Variants in CDKL2 observed in about 807,000 individuals in gnomAD.
CDKL2 encodes cyclin-dependent kinase-like 2.
Under a neutral mutation model 63.9 loss-of-function variants are expected in CDKL2, and 64 were observed. The observed-to-expected ratio is 1.00, with a 90% CI of 0.82 to 1.23. The LOEUF is 1.23. CDKL2 is among the 50% of genes most tolerant of loss of function. CDKL2 has a pLI of 0.00. For missense variants in CDKL2, 656 were observed against 668.0 expected (o/e 0.98, Z 0.20); for synonymous variants, 211 against 229.2 (o/e 0.92, Z 0.72).
intron 1 of CDKL2, among the ~76,000 whole-genome samples, chr4:75,627,202 CA>C (rs533079777): frequency 8.5e-4 from 111 of 130,928 alleles, no homozygotes; most frequent in Middle Eastern, 4.2e-3. Flanking sequence ...GACTCTGTCT[CA>C]AAAAAAAAAA....
At chr4:75,599,548 C>CAAAAAAAAAAAAAAAAAA (rs71657365) in intron 7 of CDKL2, among the ~76,000 whole-genome samples, 2 of 69,654 alleles carry the variant, frequency 2.9e-5, no homozygotes, top group Non-Finnish European at 2.6e-5. Flanking sequence ...GCAACAAGAG[C>CAAAAAAAAAAAAAAAAAA]AAAAAAAAAA....
intron 3 of CDKL2, among the ~76,000 whole-genome samples, chr4:75,608,920 G>A (rs1353173726): frequency 6.6e-6 from 1 of 151,750 alleles, no homozygotes; most frequent in Non-Finnish European, 1.5e-5. Flanking sequence ...CTTGTACCCA[G>A]GAGGTGGAGG....
chr4:75,615,595 G>C (rs921813610), intron 2 of CDKL2, among the ~76,000 whole-genome samples: 1 of 152,200 alleles, frequency 6.6e-6, no homozygotes, highest in Non-Finnish European at 1.5e-5. Flanking sequence ...ATTTAAGGCA[G>C]GACTAAATCT....
chr4:75,580,253 C>T (rs780973925), intron 13 of CDKL2, among the ~76,000 whole-genome samples: 12 of 148,660 alleles, frequency 8.1e-5, no homozygotes, highest in Non-Finnish European at 1.3e-4. Context: ...AGCAAGACAC[C>T]GTCTCAAAAA....
intron 6 of CDKL2, among the ~76,000 whole-genome samples, chr4:75,603,040 C>T (rs1052335995): frequency 3.5e-5 from 5 of 141,564 alleles, no homozygotes; most frequent in South Asian, 4.5e-4. Context: ...TCGCCCAGGC[C>T]GGACTGCGGA....
intron 7 of CDKL2, among the ~76,000 whole-genome samples, chr4:75,599,407 T>G (rs936654935): frequency 2.0e-5 from 3 of 151,598 alleles, no homozygotes; most frequent in African/African-American, 2.4e-5. Context: ...ACTAAAAATA[T>G]AAAATTAGCC....
chr4:75,627,134 C>T (rs1480291568), intron 1 of CDKL2, among the ~76,000 whole-genome samples: 4 of 150,378 alleles, frequency 2.7e-5, no homozygotes, highest in Non-Finnish European at 5.9e-5. Flanking sequence ...ACCCAGGAGG[C>T]GGAGGTTGCA....
chr4:75,597,975 T>C, intron 8 of CDKL2, 102 bp downstream of exon 8: 1 of 676,394 alleles, frequency 1.5e-6, no homozygotes, highest in South Asian at 2.2e-5. Flanking sequence ...AAGTTAACAA[T>C]TTGCTCACTG....
chr4:75,623,447 G>C (rs1255935852), intron 2 of CDKL2, among the ~76,000 whole-genome samples: 2 of 152,052 alleles, frequency 1.3e-5, no homozygotes, highest in Non-Finnish European at 2.9e-5. Context: ...AATGTTTCTG[G>C]GACAACTGGA....
chr4:75,592,715 C>G (rs978520301), intron 10 of CDKL2, among the ~76,000 whole-genome samples: 3 of 152,142 alleles, frequency 2.0e-5, no homozygotes, highest in African/African-American at 7.2e-5. Flanking sequence ...TTTCACTTTC[C>G]CAATATAATT....
intron 7 of CDKL2, among the ~76,000 whole-genome samples, chr4:75,598,661 A>G (rs1440116343): frequency 1.3e-5 from 2 of 151,850 alleles, no homozygotes; most frequent in Admixed American, 1.3e-4. Context: ...TGACTTCATT[A>G]AAGCCAAACT....
At chr4:75,628,655 G>A (rs1730544572) in intron 1 of CDKL2, among the ~76,000 whole-genome samples, 1 of 152,142 alleles carries the variant, frequency 6.6e-6, no homozygotes, top group African/African-American at 2.4e-5. Flanking sequence ...AATAATTCTT[G>A]CCTGTTGTAT....
chr4:75,596,135 C>CT, intron 10 of CDKL2, 112 bp downstream of exon 10: 1 of 654,380 alleles, frequency 1.5e-6, no homozygotes, highest in Non-Finnish European at 2.7e-6. Context: ...TAAGGTTTCA[C>CT]TTTATGTGTA....
chr4:75,600,202 A>G (rs868545441), intron 7 of CDKL2, 79 bp downstream of exon 7: 7 of 873,992 alleles, frequency 8.0e-6, no homozygotes, highest in Middle Eastern at 2.2e-4. Context: ...CAGAAATAAG[A>G]GAAGTGCTAT....
At position 75,626,465 on chromosome 4, in the gene CDKL2, G is replaced by A. The variant is rs191279753; in HGVS notation, c.-29-448C>T. On this transcript the variant is annotated intron_variant, in intron 1 of 13. Coordinates refer to ENST00000307465, the MANE Select transcript of CDKL2 (RefSeq NM_001330724.2). ...GCGGATCACAAGGTCGGGAGATTGA[G>A]ACCATCCTGGCTAACACGGTGAAAC... Among the ~76,000 whole-genome samples the A allele has an allele frequency of 4.6e-5, 7 of 152,234 alleles. No homozygotes were observed. The East Asian group carries it at 7.7e-4, about 17-fold the overall frequency.
intron 8 of CDKL2, 118 bp from the exon 9 acceptor site, chr4:75,597,354 C>A: frequency 1.5e-6 from 1 of 661,496 alleles, no homozygotes; most frequent in Non-Finnish European, 2.5e-6. Context: ...CTTTTTGAAA[C>A]TGTTTTCTTT....
In CDKL2 at chr4:75,607,281, C is replaced by T. The variant is rs200703629; in HGVS notation, c.444G>A (p.Ala148=). Residue 148 remains alanine, a synonymous_variant, in exon 4 of 14, where the codon GCG becomes GCA. Coordinates refer to ENST00000307465, the MANE Select transcript of CDKL2 (RefSeq NM_001330724.2). The part of the protein sequence containing the change: ...GVVKLCDFGF[A]RTLAAPGEVY... Reference sequence around the variant, plus strand: ...CCTCCCCAGGAGCTGCCAATGTTCGCGCAAATCCAAAATCGCATAGCTTGA... The same window carrying T: ...CCTCCCCAGGAGCTGCCAATGTTCGTGCAAATCCAAAATCGCATAGCTTGA... The T allele has an allele frequency of 2.4e-5, 38 of 1,613,998 alleles. No individual in the cohort carries two copies. The highest frequency in any genetic ancestry group is 5.0e-5 in the Admixed American group (3 of 60,012).
chr4:75,624,824 C>G (rs1276506585), intron 2 of CDKL2, among the ~76,000 whole-genome samples: 1 of 152,142 alleles, frequency 6.6e-6, no homozygotes, highest in Admixed American at 6.5e-5. Context: ...CACCATTGCA[C>G]TCCAGCCTGG....
rs774689477 is a variant in CDKL2 at position 75,598,069 on chromosome 4, A to T, written c.1020+8T>A. 1.3e-5 allele frequency: 19 copies of T among 1,468,052 alleles called. No homozygotes were observed. Among genetic ancestry groups the T allele is most frequent in the Non-Finnish European group, 1.7e-5 (19 of 1,088,100 alleles). The allele number at this position is 1,468,052 out of a possible 1,614,324, so 90.9% of individuals were successfully genotyped here. A position where few individuals can be genotyped will look rare whatever the true frequency, so the allele number is the denominator to read the frequency against. ...ATTAAATCTAAAATGTGAAACATGAACATTTACCTGTACCACAAGTGTTTT... is the reference window on the plus strand; with the variant it reads ...ATTAAATCTAAAATGTGAAACATGATCATTTACCTGTACCACAAGTGTTTT... On this transcript the variant is annotated splice_region_variant and intron_variant, in intron 8 of 13. Coordinates refer to ENST00000307465, the MANE Select transcript of CDKL2 (RefSeq NM_001330724.2).
Sources: gnomAD v4.1 joint callset for allele counts (sites outside exome capture counted in the v4.1 genomes callset) on GRCh38, gnomAD v4.1.1 for gene constraint, MANE v1.5 for transcripts, NCBI Gene and HGNC (gene_info 2026-07-23, HGNC 2026-07-21) for gene names.